MYOM2: variants seen among roughly 807,000 people sequenced by gnomAD.
The protein encoded by MYOM2 is myomesin 2.
MYOM2 carries 254 observed loss-of-function variants against 187.6 expected under a neutral mutation model. The ratio of observed to expected loss-of-function variants is 1.35; its 90% CI spans 1.22 to 1.50. The LOEUF (loss-of-function observed/expected upper bound fraction) is 1.50, where lower values mean the gene tolerates loss of function less well. Ranked by LOEUF, MYOM2 falls within the 40% of genes most tolerant of loss-of-function variation. The probability of loss-of-function intolerance (pLI) is 0.00; values close to 1 mark genes in which losing one functional copy is unlikely to be tolerated. For synonymous variants in MYOM2, 981 were observed against 753.8 expected (o/e 1.30, Z -4.94); for missense variants, 2,796 against 1,924.0 (o/e 1.45, Z -8.48).
chr8:2,080,666 G>A (rs1819589622), intron 13 of MYOM2, among the ~76,000 whole-genome samples: 2 of 152,184 alleles, frequency 1.3e-5, no homozygotes, highest in Non-Finnish European at 2.9e-5. Context: ...AGTCAGCCTG[G>A]TATTCTGTCT....
intron 13 of MYOM2, among the ~76,000 whole-genome samples, chr8:2,082,527 T>C (rs775200735): frequency 6.6e-6 from 1 of 152,210 alleles, no homozygotes; most frequent in Non-Finnish European, 1.5e-5. Flanking sequence ...TTGCCGAGTT[T>C]TTCTCACCAT....
intron 18 of MYOM2, among the ~76,000 whole-genome samples, chr8:2,097,385 A>ATGGGG (rs1374740319): frequency 6.6e-6 from 1 of 152,206 alleles, no homozygotes; most frequent in African/African-American, 2.4e-5. Flanking sequence ...AATTGTACGT[A>ATGGGG]TGGGGTACAA....
At chr8:2,121,871 T>C (rs1260052525) in intron 28 of MYOM2, among the ~76,000 whole-genome samples, 1 of 152,232 alleles carries the variant, frequency 6.6e-6, no homozygotes, top group African/African-American at 2.4e-5. Flanking sequence ...TCATCTTTCC[T>C]AGACATTCAT....
rs200508390 is a variant in MYOM2, at chr8:2,092,312, C to T, written c.1829-34C>T. The T allele has an allele frequency of 8.1e-6, 13 of 1,605,060 alleles. No homozygotes were observed. In the African/African-American group the frequency reaches 1.3e-4, roughly 16 times the overall value. On this transcript the variant is annotated intron_variant, in intron 15 of 36. Transcript: ENST00000262113. The stretch of plus-strand genomic sequence containing the variant: ...TGCTGTAGCTTCCAAAGCTCTGATG[C>T]CATTTCACCACTCCTTTTGTCTCCT...
intron 32 of MYOM2, among the ~76,000 whole-genome samples, chr8:2,135,059 C>T (rs1443329783): frequency 1.3e-5 from 2 of 152,192 alleles, no homozygotes; most frequent in East Asian, 1.9e-4. Flanking sequence ...GATCCCAGCC[C>T]AACTCCACAG....
intron 11 of MYOM2, among the ~76,000 whole-genome samples, chr8:2,077,080 C>T (rs974464504): frequency 2.0e-5 from 3 of 152,106 alleles, no homozygotes; most frequent in African/African-American, 4.8e-5. Context: ...GGGAGGCCAA[C>T]GCGGGCGGAT....
Position 2,143,426 on chromosome 8 carries a change from G to A in MYOM2, c.4050G>A (p.Leu1350=). The A allele has an allele frequency of 6.2e-7, 1 of 1,614,112 alleles. No homozygotes were observed. The highest frequency in any genetic ancestry group is 8.5e-7 in the Non-Finnish European group (1 of 1,180,040). Residue 1350 remains leucine (L), a synonymous_variant, in exon 36 of 37, where the codon TTG becomes TTA. Transcript: ENST00000262113. ...EKNRGRLIGG[L]PDVVTIMEGK... Reference sequence around the variant, plus strand: ...ATCGTGGCAGGTTGATCGGCGGCTTGCCTGACGTGGTGACCATCATGGAAG... The same window carrying A: ...ATCGTGGCAGGTTGATCGGCGGCTTACCTGACGTGGTGACCATCATGGAAG...
At position 2,069,434 on chromosome 8, in the gene MYOM2, T is replaced by C. The variant is rs1819138813; in HGVS notation, c.743-13T>C. On this transcript the variant is annotated splice_polypyrimidine_tract_variant and intron_variant, in intron 7 of 36. Coordinates refer to ENST00000262113, the MANE Select transcript of MYOM2 (RefSeq NM_003970.4). ...TTTCTCTTTTCTGCTGCACTCACTT[T>C]GCTGTCTTGCAGGGTTCCGGGGAGA... 3 of 1,614,226 alleles carry C rather than the reference T, an allele frequency of 1.9e-6. No homozygotes were observed. The East Asian group carries it at 6.7e-5, about 36-fold the overall frequency.
In MYOM2 at chr8:2,073,261, G is replaced by A. The variant is rs574335250; in HGVS notation, c.959-78G>A. On this transcript the variant is annotated intron_variant, in intron 9 of 36. Transcript: ENST00000262113. ...CGACTGTCCTGTCCCGCTCTGAGAC[G>A]ACGCTGGTGTCCCCGAGGCTTTCTT... The A allele has an allele frequency of 5.4e-5, 81 of 1,493,872 alleles. No individual in the cohort carries two copies. The African/African-American group carries it at 7.9e-4, about 15-fold the overall frequency. The allele number at this position is 1,493,872 out of a possible 1,614,324, so 92.5% of individuals were successfully genotyped here.
chr8:2,132,276 C>T (rs1563078623), intron 32 of MYOM2, among the ~76,000 whole-genome samples: 1 of 151,904 alleles, frequency 6.6e-6, no homozygotes, highest in Non-Finnish European at 1.5e-5. Context: ...CAATAGAGTG[C>T]TATGAGAATT....
intron 10 of MYOM2, 60 bp from the exon 11 acceptor site, chr8:2,076,081 C>T (rs1037820664): frequency 2.0e-6 from 3 of 1,536,810 alleles, no homozygotes; most frequent in Non-Finnish European, 2.6e-6. Flanking sequence ...TGTAAACAGG[C>T]TTTGCAGTGA....
Position 2,057,737 on chromosome 8 carries a change from C to T in MYOM2, c.517C>T (p.Leu173Phe), listed in dbSNP as rs1818718706. Residue 173 changes from leucine to phenylalanine, a missense_variant, in exon 5 of 37, where the codon CTC becomes TTC. Transcript: ENST00000262113. ...HTVWERMSVK[L>F]CFTVQGFPTP... ...CGTCTGGGAGAGGATGTCTGTGAAA[C>T]TCTGCTTCACCGTGCAAGGATTTCC... The T allele has an allele frequency of 6.2e-7, 1 of 1,614,120 alleles. No individual in the cohort carries two copies. The highest frequency in any genetic ancestry group is 1.7e-5 in the Admixed American group (1 of 60,014).
intron 32 of MYOM2, among the ~76,000 whole-genome samples, chr8:2,132,259 A>G (rs1397616979): frequency 2.6e-5 from 4 of 152,196 alleles, no homozygotes; most frequent in African/African-American, 4.8e-5. Flanking sequence ...AATGGGTGAC[A>G]TGGAATCAAT....
chr8:2,109,673 T>A, intron 25 of MYOM2, 142 bp downstream of exon 25: 1 of 864,262 alleles, frequency 1.2e-6, no homozygotes, highest in East Asian at 2.9e-5. Flanking sequence ...GTTGACAAGA[T>A]GAATGGAGAT....
chr8:2,054,188 G>A (rs966123021), intron 3 of MYOM2, among the ~76,000 whole-genome samples: 3 of 152,158 alleles, frequency 2.0e-5, no homozygotes, highest in African/African-American at 7.2e-5. Flanking sequence ...TTGGTCCTTT[G>A]CAAAAGATGA....
At chr8:2,087,619 T>C (rs773549714) in intron 14 of MYOM2, among the ~76,000 whole-genome samples, 2 of 152,176 alleles carry the variant, frequency 1.3e-5, no homozygotes, top group Admixed American at 6.5e-5. Context: ...ACTTTTTTGT[T>C]TTTATTTTTG....
At chr8:2,139,799 T>C (rs1798212818) in intron 32 of MYOM2, among the ~76,000 whole-genome samples, 1 of 152,218 alleles carries the variant, frequency 6.6e-6, no homozygotes. Flanking sequence ...GGAAATAACT[T>C]ATACACTTTT....
intron 3 of MYOM2, among the ~76,000 whole-genome samples, chr8:2,056,898 G>A (rs141455711): frequency 6.2e-4 from 94 of 152,350 alleles, no homozygotes; most frequent in East Asian, 1.4e-3. Flanking sequence ...CTGAGCACCT[G>A]CTGCATGTGA....
chr8:2,071,718 G>C (rs1819227302), intron 8 of MYOM2, among the ~76,000 whole-genome samples: 1 of 152,186 alleles, frequency 6.6e-6, no homozygotes. Context: ...ACACGCCATG[G>C]CCGGGGCAGT....
Sources: gnomAD v4.1 joint callset for allele counts (sites outside exome capture counted in the v4.1 genomes callset) on GRCh38, gnomAD v4.1.1 for gene constraint, MANE v1.5 for transcripts, NCBI Gene and HGNC (gene_info 2026-07-23, HGNC 2026-07-21) for gene names.